ZGRF1: variants seen among roughly 807,000 people sequenced by gnomAD.
The protein encoded by ZGRF1 is zinc finger GRF-type containing 1.
Under a neutral mutation model 203.5 loss-of-function variants are expected in ZGRF1, and 196 were observed. That is an observed-to-expected ratio of 0.96 (90% CI 0.86 to 1.08). The LOEUF (loss-of-function observed/expected upper bound fraction) is 1.08, where lower values mean the gene tolerates loss of function less well. Among genes scored for constraint, ZGRF1 ranks in the 50% least tolerant of loss-of-function variants. The probability of loss-of-function intolerance (pLI) is 0.00; values close to 1 mark genes in which losing one functional copy is unlikely to be tolerated. For missense variants in ZGRF1, 2,326 were observed against 2,416.3 expected (o/e 0.96, Z 0.78); for synonymous variants, 809 against 841.3 (o/e 0.96, Z 0.66).
chr4:112,581,693 G>T lies in ZGRF1; in HGVS notation c.4408C>A (p.Arg1470=). 6.3e-7 allele frequency: 1 copy of T among 1,579,262 alleles called. No homozygotes were observed. Among genetic ancestry groups the T allele is most frequent in the South Asian group, 1.2e-5 (1 of 83,434 alleles). The part of the protein sequence containing the change: ...PKTKLYLKLS[R]KERSSAYSKN... ...CTATAAGCTGAAGATCTTTCCTTCC[G>T]ACTTAGCTTAAGATAAAGTTTGGTT... is the stretch of plus-strand genomic sequence containing the variant. Residue 1470 remains arginine, a synonymous_variant, in exon 16 of 28, where the codon CGG becomes AGG. Transcript: ENST00000505019.
chr4:112,634,542 T>C (rs1489245964), intron 1 of ZGRF1, among the ~76,000 whole-genome samples: 1 of 151,640 alleles, frequency 6.6e-6, no homozygotes, highest in South Asian at 2.1e-4. Context: ...TCCCAGCTAC[T>C]TGGGAGGCTG....
chr4:112,602,342 A>G (rs1403927592), intron 10 of ZGRF1, among the ~76,000 whole-genome samples: 2 of 152,248 alleles, frequency 1.3e-5, no homozygotes, highest in Non-Finnish European at 2.9e-5. Context: ...GTACCAATAT[A>G]TACCCACCAG....
Position 112,612,529 on chromosome 4 carries a change from G to A in ZGRF1, c.2662C>T (p.Gln888Ter), listed in dbSNP as rs2046723067. 6.3e-7 allele frequency: 1 copy of A among 1,598,376 alleles called. No individual in the cohort carries two copies. The highest frequency in any genetic ancestry group is 8.6e-7 in the Non-Finnish European group (1 of 1,168,846). The change falls in exon 7 of 28, where the codon CAA becomes TAA. Residue 888 changes from glutamine to a stop codon, truncating the protein, a stop_gained. Coordinates refer to ENST00000505019, the MANE Select transcript of ZGRF1 (RefSeq NM_018392.5). LOFTEE classifies it high-confidence loss of function. ...CTTAGAAAAAAAACCTGTACCTGTTGAGAATCCTTGTGCAGATGAGGAGAC... is the reference window on the plus strand; with the variant it reads ...CTTAGAAAAAAAACCTGTACCTGTTAAGAATCCTTGTGCAGATGAGGAGAC... ...PKSPHLHKDS[Q>*]QILKEDEVEL...
intron 4 of ZGRF1, among the ~76,000 whole-genome samples, chr4:112,622,520 GAAAAA>G (rs5861105): frequency 1.3e-5 from 1 of 75,254 alleles, no homozygotes; most frequent in Admixed American, 1.4e-4. Flanking sequence ...ACTCCATCTC[GAAAAA>G]AAAAAAAAAA....
rs553456523 is a variant in ZGRF1 at position 112,623,227 on chromosome 4, T to C, written c.162+590A>G. Reference sequence around the variant, plus strand: ...GCTGTATAATATTTCATGGTGTATTTCTATCTCATTTTCTTTATCCAGTCT... The same window carrying C: ...GCTGTATAATATTTCATGGTGTATTCCTATCTCATTTTCTTTATCCAGTCT... On this transcript the variant is annotated intron_variant, in intron 4 of 27. Coordinates refer to ENST00000505019, the MANE Select transcript of ZGRF1 (RefSeq NM_018392.5). Among the ~76,000 whole-genome samples, 6 of 152,358 alleles carry C rather than the reference T, an allele frequency of 3.9e-5. No individual in the cohort carries two copies. In the South Asian group the frequency reaches 1.2e-3, roughly 32 times the overall value.
Position 112,618,617 on chromosome 4 carries a change from T to C in ZGRF1, c.1425A>G (p.Ser475=). Reference sequence around the variant, plus strand: ...GTTTCAGTTCTGGCAGAGATGACTCTGATTGTTCATACTCCTTTTCCAGTG... The same window carrying C: ...GTTTCAGTTCTGGCAGAGATGACTCCGATTGTTCATACTCCTTTTCCAGTG... ...CGTLEKEYEQ[S]ESSLPELKHL... is the part of the protein sequence containing the mutation. Residue 475 remains serine (S), a synonymous_variant, in exon 6 of 28, where the codon TCA becomes TCG. Transcript: ENST00000505019. The C allele has an allele frequency of 9.9e-6, 16 of 1,613,496 alleles. No homozygotes were observed. The highest frequency in any genetic ancestry group is 1.3e-5 in the Non-Finnish European group (15 of 1,179,660).
chr4:112,628,682 G>C (rs887375465), intron 3 of ZGRF1: 14 of 456,132 alleles, frequency 3.1e-5, no homozygotes, highest in African/African-American at 2.2e-4. Flanking sequence ...TAACCTACTT[G>C]TGTGAGATAT....
chr4:112,598,563 T>A (rs1483021332), intron 10 of ZGRF1, among the ~76,000 whole-genome samples: 4 of 152,068 alleles, frequency 2.6e-5, no homozygotes, highest in Non-Finnish European at 5.9e-5. Flanking sequence ...GTAGCCACTG[T>A]AATCATTAGC....
chr4:112,547,167 A>G (rs1578665147), intron 24 of ZGRF1, 118 bp downstream of exon 24: 2 of 1,041,084 alleles, frequency 1.9e-6, no homozygotes, highest in East Asian at 5.2e-5. Flanking sequence ...GACAACTCCA[A>G]TTATACATTA....
At chr4:112,565,072 A>T (rs1043187412) in intron 16 of ZGRF1, 204 of 1,254,406 alleles carry the variant, frequency 1.6e-4, no homozygotes, top group Non-Finnish European at 2.1e-4. Context: ...CGCTCGCAAG[A>T]GTGTGCCCTC....
At position 112,618,070 on chromosome 4, in the gene ZGRF1, T is replaced by C. The variant is rs375761372; in HGVS notation, c.1972A>G (p.Asn658Asp). ...ATAGGTTTATTAGCATCTTCTTTAT[T>C]ATCTCCGTATACAGCATCAGTCCAC... is the stretch of plus-strand genomic sequence containing the variant. ...FKWTDAVYGD[N>D]KEDANKPIQE... The change falls in exon 6 of 28, where the codon AAT becomes GAT. Residue 658 changes from asparagine (N) to aspartate (D), a missense_variant. Asn to Asp is a conservative substitution (Grantham distance 23). Transcript: ENST00000505019. 8 of 1,613,694 alleles carry C rather than the reference T, an allele frequency of 5.0e-6. No homozygotes were observed. Among genetic ancestry groups the C allele is most frequent in the Non-Finnish European group, 6.8e-6 (8 of 1,179,892 alleles).
At position 112,617,457 on chromosome 4, in the gene ZGRF1, G is replaced by A; in HGVS notation, c.2585C>T (p.Pro862Leu). Residue 862 changes from proline (P) to leucine (L), a missense_variant, in exon 6 of 28, where the codon CCA (proline) becomes CTA (leucine). Physicochemically the swap from Pro to Leu is moderately conservative, Grantham distance 98 (BLOSUM62 -3). Coordinates refer to ENST00000505019, the MANE Select transcript of ZGRF1 (RefSeq NM_018392.5). ...ATTCTAACCTTCAGGAGGGCTATCTGGCTCATACGTCTGTTGAGTTCCTTG... is the reference window on the plus strand; with the variant it reads ...ATTCTAACCTTCAGGAGGGCTATCTAGCTCATACGTCTGTTGAGTTCCTTG... ...FQQGTQQTYE[P>L]DSPPEVRKPF... 1 of 1,555,180 alleles carries A rather than the reference G, an allele frequency of 6.4e-7. No homozygotes were observed. The highest frequency in any genetic ancestry group is 1.2e-5 in the South Asian group (1 of 80,326).
rs140408995 is a variant in ZGRF1 at position 112,562,473 on chromosome 4, G to A, written c.4595C>T (p.Ala1532Val). ...SNWPTNMVVH[A>V]LLVCNASTEL... ...TGTGCTAGCATTACAAACCAATAACGCATGGACAACCACTGTACAGAGGAT... is the reference window on the plus strand; with the variant it reads ...TGTGCTAGCATTACAAACCAATAACACATGGACAACCACTGTACAGAGGAT... The change falls in exon 18 of 28, where the codon GCG (alanine) becomes GTG (valine). Residue 1532 changes from alanine to valine, a missense_variant. Transcript: ENST00000505019. The A allele has an allele frequency of 3.4e-5, 55 of 1,597,902 alleles. No homozygotes were observed. The highest frequency in any genetic ancestry group is 4.4e-5 in the Non-Finnish European group (51 of 1,168,254).
intron 3 of ZGRF1, among the ~76,000 whole-genome samples, chr4:112,624,804 G>C (rs1401162366): frequency 6.6e-6 from 1 of 152,106 alleles, no homozygotes; most frequent in East Asian, 1.9e-4. Context: ...GCAATTCCTT[G>C]AAAGATTAAA....
chr4:112,608,693 G>C lies in ZGRF1; in HGVS notation c.2718+686C>G, dbSNP rs554049646. Reference sequence around the variant, plus strand: ...AAGACAAAAACGTGATCATTTGTAAGCTAAATTTTGTAGTTGCCAATTGTT... The same window carrying C: ...AAGACAAAAACGTGATCATTTGTAACCTAAATTTTGTAGTTGCCAATTGTT... On this transcript the variant is annotated intron_variant, in intron 8 of 27. Coordinates refer to ENST00000505019, the MANE Select transcript of ZGRF1 (RefSeq NM_018392.5). Among the ~76,000 whole-genome samples the C allele has an allele frequency of 3.3e-5, 5 of 152,244 alleles. No individual in the cohort carries two copies. In the East Asian group the frequency reaches 9.7e-4, roughly 29 times the overall value.
intron 3 of ZGRF1, chr4:112,630,024 A>C (rs1171507564): frequency 5.2e-6 from 1 of 191,928 alleles, no homozygotes; most frequent in Non-Finnish European, 1.1e-5. Context: ...GTCTAAAAAA[A>C]GAAAAAAAAA....
rs1277198042 is a variant in ZGRF1, at chr4:112,618,171, C to G, written c.1871G>C (p.Gly624Ala). The change falls in exon 6 of 28, where the codon GGA becomes GCA. Residue 624 changes from glycine to alanine, a missense_variant. Coordinates refer to ENST00000505019, the MANE Select transcript of ZGRF1 (RefSeq NM_018392.5). ...TCCTGTGTTTTCAGTTTTACATATT[C>G]CCATGTCAAAACCCACATAAGTTTT... ...CDKTYVGFDM[G>A]ICKTENTGKE... 1.2e-6 allele frequency: 2 copies of G among 1,613,572 alleles called. No homozygotes were observed. The highest frequency in any genetic ancestry group is 2.2e-5 in the East Asian group (1 of 44,840).
chr4:112,553,999 A>C lies in ZGRF1; in HGVS notation c.5199-17T>G. 6.3e-7 allele frequency: 1 copy of C among 1,589,324 alleles called. No homozygotes were observed. The highest frequency in any genetic ancestry group is 1.8e-5 in the Admixed American group (1 of 54,558). Reference sequence around the variant, plus strand: ...GCATGCAAGCTAAAGAATTATATTAAAACACTCCTCTTTATTCCATTTTTC... The same window carrying C: ...GCATGCAAGCTAAAGAATTATATTACAACACTCCTCTTTATTCCATTTTTC... On this transcript the variant is annotated splice_polypyrimidine_tract_variant and intron_variant, in intron 21 of 27. Transcript: ENST00000505019.
chr4:112,595,134 T>A (rs558448754), intron 10 of ZGRF1, among the ~76,000 whole-genome samples: 1 of 152,146 alleles, frequency 6.6e-6, no homozygotes, highest in East Asian at 1.9e-4. Flanking sequence ...GTCTTTGAAA[T>A]AGGGAAACAC....
Sources: gnomAD v4.1 joint callset for allele counts (sites outside exome capture counted in the v4.1 genomes callset) on GRCh38, gnomAD v4.1.1 for gene constraint, MANE v1.5 for transcripts, NCBI Gene and HGNC (gene_info 2026-07-23, HGNC 2026-07-21) for gene names.